Variants in UNC79 observed in about 807,000 individuals in gnomAD.
UNC79 encodes the protein unc-79 subunit of NALCN channel complex, also known as protein unc-79 homolog.
UNC79 carries 37 observed loss-of-function variants against 283.1 expected under a neutral mutation model. That is an observed-to-expected ratio of 0.13 (90% CI 0.10 to 0.17). The LOEUF (loss-of-function observed/expected upper bound fraction) is 0.17. Among genes scored for constraint, UNC79 ranks in the 10% least tolerant of loss-of-function variants. The probability of loss-of-function intolerance (pLI) is 1.00; values close to 1 mark genes in which losing one functional copy is unlikely to be tolerated. For synonymous variants in UNC79, 1,107 were observed against 1,200.2 expected (o/e 0.92, Z 1.61); for missense variants, 2,272 against 3,211.1 (o/e 0.71, Z 7.07).
chr14:93,369,246 A>G (rs1555400363), intron 1 of UNC79, among the ~76,000 whole-genome samples: 1 of 152,330 alleles, frequency 6.6e-6, no homozygotes, highest in South Asian at 2.1e-4. Context: ...CTTCGACTTG[A>G]TTCCCCTTCT....
In UNC79 at chr14:93,478,003, A is replaced by G. The variant is rs2057901210; in HGVS notation, c.619+275A>G. Among the ~76,000 whole-genome samples, 8 of 152,344 alleles carry G rather than the reference A, an allele frequency of 5.3e-5. No homozygotes were observed. In the South Asian group the frequency reaches 1.7e-3, roughly 32 times the overall value. ...AAGGCAGTCTAGATTTCCTATGTATAAGTTACAGTATCTTTTACCACTTTA... is the reference window on the plus strand; with the variant it reads ...AAGGCAGTCTAGATTTCCTATGTATGAGTTACAGTATCTTTTACCACTTTA... On this transcript the variant is annotated intron_variant, in intron 4 of 48. Transcript: ENST00000555664.
At chr14:93,556,063 C>A (rs147398512) in intron 14 of UNC79, among the ~76,000 whole-genome samples, 1,796 of 152,250 alleles carry the variant, frequency 0.012, 16 homozygotes, top group South Asian at 0.025. Context: ...CTCCCAAAAT[C>A]AAGGATCCCA....
upstream of UNC79, among the ~76,000 whole-genome samples, chr14:93,429,693 T>C (rs1468775013): frequency 6.6e-6 from 1 of 152,120 alleles, no homozygotes; most frequent in Non-Finnish European, 1.5e-5. Context: ...TTGTCAACAC[T>C]TACCGTTTTG....
intron 14 of UNC79, among the ~76,000 whole-genome samples, chr14:93,558,313 T>A (rs2062303518): frequency 6.6e-6 from 1 of 152,128 alleles, no homozygotes; most frequent in Non-Finnish European, 1.5e-5. Flanking sequence ...TCCCAGCACT[T>A]TGGGAGGCTG....
At chr14:93,444,283 A>G (rs1383735585) in intron 1 of UNC79, among the ~76,000 whole-genome samples, 1 of 151,644 alleles carries the variant, frequency 6.6e-6, no homozygotes, top group Admixed American at 6.6e-5. Context: ...GTCTATTTTT[A>G]TTGGTTTTTT....
intron 24 of UNC79, 76 bp from the exon 25 acceptor site, chr14:93,600,493 A>G (rs1305430174): frequency 2.0e-5 from 21 of 1,048,546 alleles, no homozygotes; most frequent in African/African-American, 3.2e-5. Flanking sequence ...TTTGCCTAGT[A>G]TATCGGCTTT....
intron 37 of UNC79, among the ~76,000 whole-genome samples, chr14:93,654,580 TA>T (rs1337906908): frequency 1.3e-5 from 2 of 150,630 alleles, no homozygotes; most frequent in Middle Eastern, 3.4e-3. Context: ...ATTTAAATTT[TA>T]AAAATTAACA....
Position 93,569,132 on chromosome 14 carries a change from G to A in UNC79, c.1756-2762G>A, listed in dbSNP as rs186356075. Among the ~76,000 whole-genome samples, 268 of 152,264 alleles carry A rather than the reference G, an allele frequency of 1.8e-3. 2 individuals are homozygous for A. The highest frequency in any genetic ancestry group is 6.1e-3 in the African/African-American group (253 of 41,550). On this transcript the variant is annotated intron_variant, in intron 14 of 48. Coordinates refer to ENST00000555664, the Ensembl canonical transcript of UNC79. ...AGCAGAATTACTTCCTTGGATGTTT[G>A]CATTTTAAAGAGATGGCTCTTGGCT...
intron 7 of UNC79, among the ~76,000 whole-genome samples, chr14:93,513,936 G>C (rs1397173921): frequency 6.6e-6 from 1 of 152,086 alleles, no homozygotes; most frequent in Non-Finnish European, 1.5e-5. Flanking sequence ...GTGTTATGTA[G>C]TAAAAGCAGT....
intron 5 of UNC79, among the ~76,000 whole-genome samples, chr14:93,494,901 T>C (rs2058945609): frequency 6.6e-6 from 1 of 152,202 alleles, no homozygotes; most frequent in African/African-American, 2.4e-5. Flanking sequence ...ATTCCCCTCA[T>C]GTTTGCAAGA....
chr14:93,403,735 A>T (rs569494464), intron 1 of UNC79, among the ~76,000 whole-genome samples: 1 of 152,208 alleles, frequency 6.6e-6, no homozygotes, highest in Non-Finnish European at 1.5e-5. Context: ...ATCAACCACA[A>T]GAAGAAGCAC....
rs1014776359 is a variant in UNC79 at position 93,617,377 on chromosome 14, T to A, written c.4224+73T>A. ...GAGCATATAGCATTAGGAGAACACC[T>A]GAGTCTTTAGTTGAAAATTTTGTAG... On this transcript the variant is annotated intron_variant, in intron 28 of 48. Transcript: ENST00000555664. This position sits in a 1 kb window ranked among gnomAD's most constrained non-coding sequence, Gnocchi z 4.5. The A allele has an allele frequency of 6.8e-7, 1 of 1,471,030 alleles. No homozygotes were observed. Among genetic ancestry groups the A allele is most frequent in the African/African-American group, 1.4e-5 (1 of 71,090 alleles). 91.1% of individuals were successfully genotyped at this position (1,471,030 alleles called of 1,614,324 possible).
chr14:93,444,632 A>G, intron 1 of UNC79, among the ~76,000 whole-genome samples: 1 of 152,044 alleles, frequency 6.6e-6, no homozygotes, highest in African/African-American at 2.4e-5. Flanking sequence ...TTTGAGGTTC[A>G]TTATTTCCAT....
At chr14:93,358,502 A>G (rs946110754) in intron 1 of UNC79, among the ~76,000 whole-genome samples, 3 of 152,312 alleles carry the variant, frequency 2.0e-5, no homozygotes, top group South Asian at 2.1e-4. Flanking sequence ...TATCACGTGC[A>G]TGGCTGACCT....
chr14:93,403,703 C>A (rs932903143), intron 1 of UNC79, among the ~76,000 whole-genome samples: 1 of 151,800 alleles, frequency 6.6e-6, no homozygotes, highest in Non-Finnish European at 1.5e-5. Flanking sequence ...AGGGAAAAAG[C>A]GGATTAAAAA....
Position 93,531,855 on chromosome 14 carries a change from A to G in UNC79, c.1094-695A>G, listed in dbSNP as rs761895852. Among the ~76,000 whole-genome samples, 2 of 152,188 alleles carry G rather than the reference A, an allele frequency of 1.3e-5. No homozygotes were observed. The highest frequency in any genetic ancestry group is 2.9e-5 in the Non-Finnish European group (2 of 68,034). ...GTGACCTTGAAGAATTTACCTAACC[A>G]CAGTGGTTCTCAGTTTTGTCCTCTG... On this transcript the variant is annotated intron_variant, in intron 10 of 48. Coordinates refer to ENST00000555664, the Ensembl canonical transcript of UNC79. This position sits in a 1 kb window ranked among gnomAD's most constrained non-coding sequence, Gnocchi z 4.2.
chr14:93,436,399 C>T (rs563543155), intron 1 of UNC79, among the ~76,000 whole-genome samples: 12 of 152,052 alleles, frequency 7.9e-5, no homozygotes, highest in South Asian at 4.2e-4. Context: ...TGATTCTGTC[C>T]GATTAGCTAA....
intron 4 of UNC79, among the ~76,000 whole-genome samples, chr14:93,484,714 G>A (rs2058325723): frequency 6.6e-6 from 1 of 152,152 alleles, no homozygotes; most frequent in African/African-American, 2.4e-5. Flanking sequence ...CTGCACATCT[G>A]TTTACATCAT....
intron 27 of UNC79, among the ~76,000 whole-genome samples, chr14:93,614,530 G>A (rs534435145): frequency 6.6e-6 from 1 of 151,624 alleles, no homozygotes; most frequent in Non-Finnish European, 1.5e-5. Flanking sequence ...TGTTGGTCAG[G>A]CTGGTCTTGA....
Sources: gnomAD v4.1 joint callset for allele counts (sites outside exome capture counted in the v4.1 genomes callset) on GRCh38, gnomAD v4.1.1 for gene constraint, Gnocchi (gnomAD v3.1) non-coding constraint, MANE v1.5 for transcripts, NCBI Gene and HGNC (gene_info 2026-07-23, HGNC 2026-07-21) for gene names.